The following PIGK variants were observed in gnomAD, a reference collection of about 807,000 sequenced individuals.
PIGK encodes phosphatidylinositol glycan anchor biosynthesis class K, also known as GPI-anchor transamidase.
PIGK carries 42 observed loss-of-function variants against 50.6 expected under a neutral mutation model. The observed-to-expected ratio is 0.83, with a 90% CI of 0.65 to 1.07. The LOEUF (loss-of-function observed/expected upper bound fraction) is 1.07. PIGK is among the 50% of genes least tolerant of loss of function. The pLI is 0.00. For synonymous variants in PIGK, 151 were observed against 156.0 expected (o/e 0.97, Z 0.24); for missense variants, 448 against 488.7 (o/e 0.92, Z 0.78).
chr1:77,110,468 C>T (rs1163046880), intron 10 of PIGK, among the ~76,000 whole-genome samples: 1 of 151,942 alleles, frequency 6.6e-6, no homozygotes, highest in Admixed American at 6.6e-5. Context: ...CATCTACAAC[C>T]ATCTGATCTT....
chr1:77,154,607 G>A lies in PIGK; in HGVS notation c.828C>T (p.Pro276=), dbSNP rs990824576. The change falls in exon 9 of 11, where the codon CCC becomes CCT. Residue 276 remains proline (P), a synonymous_variant. Coordinates refer to ENST00000370812, the MANE Select transcript of PIGK (RefSeq NM_005482.3). ...TNMNDLFQVC[P]KSLCVSTPGH... Reference sequence around the variant, plus strand: ...CAGGAGTAGACACACACAGACTTTTGGGACATACCTGAAACTGAAAAAATA... The same window carrying A: ...CAGGAGTAGACACACACAGACTTTTAGGACATACCTGAAACTGAAAAAATA... The A allele has an allele frequency of 1.2e-6, 2 of 1,609,278 alleles. No homozygotes were observed. Among genetic ancestry groups the A allele is most frequent in the Admixed American group, 1.7e-5 (1 of 59,420 alleles).
At chr1:77,133,191 T>C (rs1654418177) in intron 9 of PIGK, among the ~76,000 whole-genome samples, 1 of 151,062 alleles carries the variant, frequency 6.6e-6, no homozygotes. Flanking sequence ...TCGTACTGTT[T>C]GTTTTTTCTG....
chr1:77,123,870 T>C (rs1654160289), intron 9 of PIGK, among the ~76,000 whole-genome samples: 1 of 152,154 alleles, frequency 6.6e-6, no homozygotes, highest in African/African-American at 2.4e-5. Context: ...TAACCACCAG[T>C]ACCTTAGAAC....
intron 3 of PIGK, among the ~76,000 whole-genome samples, chr1:77,174,747 G>A (rs1336032964): frequency 6.6e-6 from 1 of 152,016 alleles, no homozygotes; most frequent in Non-Finnish European, 1.5e-5. Flanking sequence ...ATGAGAATGA[G>A]ACCCTTAATT....
At chr1:77,195,458 T>C in intron 3 of PIGK, 2 of 895,256 alleles carry the variant, frequency 2.2e-6, no homozygotes, top group Non-Finnish European at 3.3e-6. Flanking sequence ...AATAAAATAG[T>C]TTGACTCAGA....
intron 9 of PIGK, among the ~76,000 whole-genome samples, chr1:77,135,460 T>A (rs1654478673): frequency 6.6e-6 from 1 of 152,062 alleles, no homozygotes; most frequent in Non-Finnish European, 1.5e-5. Flanking sequence ...AGCTTTCTTT[T>A]GGTGAGCAGT....
intron 3 of PIGK, among the ~76,000 whole-genome samples, chr1:77,177,092 A>G (rs1260690637): frequency 6.6e-6 from 1 of 152,212 alleles, no homozygotes; most frequent in South Asian, 2.1e-4. Flanking sequence ...GTCATTTTCA[A>G]TGCATGTTTT....
intron 3 of PIGK, among the ~76,000 whole-genome samples, chr1:77,196,701 T>G (rs571673009): frequency 6.6e-6 from 1 of 152,308 alleles, no homozygotes; most frequent in Non-Finnish European, 1.5e-5. Flanking sequence ...ATGTTCCTTA[T>G]AGATTCTAGA....
chr1:77,096,215 A>G lies in PIGK; in HGVS notation c.1072-3725T>C, dbSNP rs972829950. 2.6e-5 allele frequency among the ~76,000 whole-genome samples: 4 copies of G among 152,304 alleles called. No homozygotes were observed. The East Asian group carries it at 7.7e-4, about 29-fold the overall frequency. On this transcript the variant is annotated intron_variant, in intron 10 of 10. Transcript: ENST00000370812. ...TTGTAACAGCAAAATTAAAATCCAC[A>G]TTTACAAGGAACATAGTGTTCTAAG...
chr1:77,114,716 T>C (rs564080644), intron 10 of PIGK, among the ~76,000 whole-genome samples: 46 of 152,308 alleles, frequency 3.0e-4, no homozygotes, highest in Non-Finnish European at 5.9e-4. Flanking sequence ...TAAGTTATAA[T>C]ATGAAAGCTG....
intron 1 of PIGK, among the ~76,000 whole-genome samples, chr1:77,217,321 T>G (rs539974509): frequency 6.6e-6 from 1 of 152,288 alleles, no homozygotes; most frequent in South Asian, 2.1e-4. Context: ...ACTGTTGGGT[T>G]AAAATCCAAA....
intron 3 of PIGK, among the ~76,000 whole-genome samples, chr1:77,190,030 T>C (rs977566022): frequency 6.6e-6 from 1 of 152,050 alleles, no homozygotes. Flanking sequence ...CCCAGATTTG[T>C]CTGACATGAA....
At chr1:77,116,851 A>G (rs1653986499) in intron 10 of PIGK, among the ~76,000 whole-genome samples, 1 of 152,172 alleles carries the variant, frequency 6.6e-6, no homozygotes, top group Non-Finnish European at 1.5e-5. Flanking sequence ...TAATTGTTTC[A>G]TAATTATAAC....
chr1:77,193,663 G>A (rs549152478), intron 3 of PIGK, among the ~76,000 whole-genome samples: 6 of 152,182 alleles, frequency 3.9e-5, no homozygotes, highest in African/African-American at 1.2e-4. Context: ...AGAAGGAAAG[G>A]GCTTTGTTAA....
At chr1:77,123,806 G>T (rs555707377) in intron 9 of PIGK, among the ~76,000 whole-genome samples, 83 of 152,070 alleles carry the variant, frequency 5.5e-4, no homozygotes, top group Non-Finnish European at 1.1e-3. Flanking sequence ...TTATGTATTT[G>T]TTATGGGCTG....
intron 3 of PIGK, among the ~76,000 whole-genome samples, chr1:77,197,029 C>A (rs1219506589): frequency 6.6e-6 from 1 of 152,070 alleles, no homozygotes; most frequent in East Asian, 1.9e-4. Context: ...ATATTTAACA[C>A]TCTCACAGTA....
chr1:77,122,461 A>AT (rs377499771), intron 9 of PIGK, 102 bp from the exon 10 acceptor site: 41 of 674,680 alleles, frequency 6.1e-5, no homozygotes, highest in South Asian at 1.4e-4. Context: ...AAATGCATAG[A>AT]TTTTTTTTGA....
At chr1:77,215,389 A>G (rs1656530567) in intron 1 of PIGK, among the ~76,000 whole-genome samples, 1 of 152,080 alleles carries the variant, frequency 6.6e-6, no homozygotes, top group Admixed American at 6.6e-5. Context: ...CTTAGTGCCT[A>G]TTATCAAAAA....
At chr1:77,184,486 C>G (rs1277443914) in intron 3 of PIGK, among the ~76,000 whole-genome samples, 1 of 152,144 alleles carries the variant, frequency 6.6e-6, no homozygotes, top group Non-Finnish European at 1.5e-5. Context: ...AACCTCCAGC[C>G]CTTTACCAGA....
Sources: allele counts gnomAD v4.1 joint callset (sites outside exome capture counted in the v4.1 genomes callset), GRCh38; gene constraint gnomAD v4.1.1; transcripts MANE v1.5; gene names NCBI Gene and HGNC (gene_info 2026-07-23, HGNC 2026-07-21).